Variants in UBE2D3 observed in about 807,000 individuals in gnomAD.
UBE2D3 encodes the protein ubiquitin conjugating enzyme E2 D3.
Under a neutral mutation model 22.8 loss-of-function variants are expected in UBE2D3, and 2 were observed. That is an observed-to-expected ratio of 0.09 (90% CI 0.04 to 0.28). The LOEUF (loss-of-function observed/expected upper bound fraction) is 0.28, where lower values mean the gene tolerates loss of function less well. Among genes scored for constraint, UBE2D3 ranks in the 10% least tolerant of loss-of-function variants. The probability of loss-of-function intolerance (pLI) is 1.00; values close to 1 mark genes in which losing one functional copy is unlikely to be tolerated. For synonymous variants in UBE2D3, 56 were observed against 60.4 expected (o/e 0.93, Z 0.34); for missense variants, 27 against 182.5 (o/e 0.15, Z 4.91).
In UBE2D3 at chr4:102,859,008, C is replaced by T. The variant is rs538463637; in HGVS notation, c.-129+9707G>A. Among the ~76,000 whole-genome samples the T allele has an allele frequency of 3.3e-5, 5 of 152,038 alleles. No homozygotes were observed. The South Asian group carries it at 1.0e-3, about 32-fold the overall frequency. On this transcript the variant is annotated intron_variant, in intron 1 of 7. Transcript: ENST00000338145. ...TTTACCAGGGAGTTTCATACTTTCACGTTTTCATGTTGCTAATTAGCATCC... is the reference window on the plus strand; with the variant it reads ...TTTACCAGGGAGTTTCATACTTTCATGTTTTCATGTTGCTAATTAGCATCC...
At chr4:102,865,852 T>C (rs1373855006) in intron 1 of UBE2D3, among the ~76,000 whole-genome samples, 1 of 152,194 alleles carries the variant, frequency 6.6e-6, no homozygotes, top group Admixed American at 6.5e-5. Flanking sequence ...GCTCAAGTGC[T>C]TGAAAGTAAA....
At chr4:102,798,098 G>T (rs528162824) in intron 7 of UBE2D3, among the ~76,000 whole-genome samples, 7 of 151,534 alleles carry the variant, frequency 4.6e-5, no homozygotes, top group Non-Finnish European at 1.0e-4. Flanking sequence ...GCACCACTGA[G>T]ACCTGTTGAG....
At chr4:102,839,949 C>G (rs1432308311) in intron 1 of UBE2D3, among the ~76,000 whole-genome samples, 1 of 152,026 alleles carries the variant, frequency 6.6e-6, no homozygotes, top group Admixed American at 6.6e-5. Flanking sequence ...AAAAATAACC[C>G]CATTAAAAGT....
Position 102,797,169 on chromosome 4 carries a change from C to A in UBE2D3, c.*246G>T. ...TGCTCCATTTTTTTTTTTAAAAATTCTGAGTCTTGGGCAACTGTTCTCTTG... is the reference window on the plus strand; with the variant it reads ...TGCTCCATTTTTTTTTTTAAAAATTATGAGTCTTGGGCAACTGTTCTCTTG... On this transcript the variant is annotated 3_prime_UTR_variant, in exon 8 of 8. Transcript: ENST00000453744. The A allele has an allele frequency of 2.9e-6, 1 of 342,584 alleles. No homozygotes were observed. The highest frequency in any genetic ancestry group is 5.3e-6 in the Non-Finnish European group (1 of 187,524). The allele number at this position is 342,584 out of a possible 1,614,324, so 21.2% of individuals were successfully genotyped here.
At chr4:102,810,466 T>C (rs887709932) in intron 2 of UBE2D3, 5 of 148,958 alleles carry the variant, frequency 3.4e-5, no homozygotes, top group Non-Finnish European at 5.9e-5. Context: ...AGTGGCGCAA[T>C]CTGGGGTCAC....
Position 102,794,915 on chromosome 4 carries a change from T to TC in UBE2D3, c.*2499_*2500insG, listed in dbSNP as rs1725118806. The stretch of plus-strand genomic sequence containing the variant: ...AAAAGATTTAGGAAATACAAAGACA[T>TC]AGTCAAAACTGATTCTAATACTCAG... On this transcript the variant is annotated 3_prime_UTR_variant, in exon 8 of 8. Transcript: ENST00000453744. 2 of 152,074 alleles carry TC rather than the reference T, an allele frequency of 1.3e-5. No individual in the cohort carries two copies. The highest frequency in any genetic ancestry group is 2.9e-5 in the Non-Finnish European group (2 of 67,954). The allele number at this position is 152,074 out of a possible 1,614,324, so 9.4% of individuals were successfully genotyped here.
intron 4 of UBE2D3, among the ~76,000 whole-genome samples, chr4:102,808,089 G>T (rs1021513778): frequency 6.6e-6 from 1 of 152,096 alleles, no homozygotes; most frequent in African/African-American, 2.4e-5. Flanking sequence ...ATCCAAAATG[G>T]GAAAATTCTA....
chr4:102,807,157 T>C (rs1464854322), intron 4 of UBE2D3, among the ~76,000 whole-genome samples: 3 of 152,202 alleles, frequency 2.0e-5, no homozygotes, highest in South Asian at 4.1e-4. Context: ...AAAAGTGACG[T>C]TGTTAACTGT....
At chr4:102,839,704 A>G (rs1342089102) in intron 1 of UBE2D3, among the ~76,000 whole-genome samples, 1 of 152,234 alleles carries the variant, frequency 6.6e-6, no homozygotes, top group Non-Finnish European at 1.5e-5. Context: ...TACTAGAAGA[A>G]AACAGGTAAA....
At chr4:102,808,660 C>T (rs1727451287) in intron 4 of UBE2D3, among the ~76,000 whole-genome samples, 1 of 152,162 alleles carries the variant, frequency 6.6e-6, no homozygotes, top group Non-Finnish European at 1.5e-5. Context: ...CACACTTCAG[C>T]ACTTGTTTTA....
At chr4:102,837,630 T>C (rs764936281) in intron 1 of UBE2D3, among the ~76,000 whole-genome samples, 2 of 151,538 alleles carry the variant, frequency 1.3e-5, no homozygotes, top group Non-Finnish European at 2.9e-5. Context: ...TGAGACAAGC[T>C]TAGGCAACAC....
intron 5 of UBE2D3, 135 bp from the exon 6 acceptor site, chr4:102,801,694 T>A: frequency 1.4e-6 from 1 of 701,598 alleles, no homozygotes; most frequent in Non-Finnish European, 2.3e-6. Context: ...AGAAACTGAT[T>A]TTTACAATCT....
chr4:102,826,938 G>A (rs970271129), intron 1 of UBE2D3: 1 of 1,008,084 alleles, frequency 9.9e-7, no homozygotes, highest in Non-Finnish European at 1.2e-6. Flanking sequence ...GGAGGAGCCG[G>A]GGCCTAGTCG....
chr4:102,799,097 A>G (rs1411310021), intron 7 of UBE2D3: 1 of 1,130,064 alleles, frequency 8.8e-7, no homozygotes, highest in African/African-American at 1.6e-5. Flanking sequence ...AATAGTACTA[A>G]CATTTTTGGA....
intron 4 of UBE2D3, 93 bp from the exon 5 acceptor site, chr4:102,802,731 C>T: frequency 2.2e-6 from 2 of 918,974 alleles, no homozygotes; most frequent in Non-Finnish European, 3.2e-6. Flanking sequence ...TAATAATGAA[C>T]CCAAATCACC....
At chr4:102,854,986 G>C (rs1200993157) in intron 1 of UBE2D3, among the ~76,000 whole-genome samples, 1 of 152,190 alleles carries the variant, frequency 6.6e-6, no homozygotes, top group Non-Finnish European at 1.5e-5. Context: ...AGGGTCTGTT[G>C]AAGTGAGTTG....
upstream of UBE2D3, among the ~76,000 whole-genome samples, chr4:102,828,903 GTTTT>G (rs529201629): frequency 4.2e-4 from 64 of 152,246 alleles, no homozygotes; most frequent in Admixed American, 8.5e-4. Flanking sequence ...CCAGCTTAAG[GTTTT>G]TTAACATTCC....
rs1445468298 is a variant in UBE2D3, at chr4:102,797,267, GTGAA to G, written c.*144_*147del. The G allele has an allele frequency of 4.9e-6, 3 of 608,428 alleles. No individual in the cohort carries two copies. Among genetic ancestry groups the G allele is most frequent in the Non-Finnish European group, 8.5e-6 (3 of 351,858 alleles). 37.7% of individuals were successfully genotyped at this position (608,428 alleles called of 1,614,324 possible). ...AACTTAAGTCTTCTCAGATGAGCAT[GTGAA>G]TGAATGGAGGGAGGTAAACAAAAAA... On this transcript the variant is annotated 3_prime_UTR_variant, in exon 8 of 8. Transcript: ENST00000453744.
rs575986950 is a variant in UBE2D3, at chr4:102,795,176, T to A, written c.*2239A>T. On this transcript the variant is annotated 3_prime_UTR_variant, in exon 8 of 8. Transcript: ENST00000453744. ...GATGTATAAAGCATCAAGTCAAAGA[T>A]ACAGAGAACTGGACACATCCACTAA... 6.6e-6 allele frequency: 1 copy of A among 152,092 alleles called. No homozygotes were observed. The highest frequency in any genetic ancestry group is 1.9e-4 in the East Asian group (1 of 5,186). The allele number at this position is 152,092 out of a possible 1,614,324, so 9.4% of individuals were successfully genotyped here.
Sources: allele counts gnomAD v4.1 joint callset (sites outside exome capture counted in the v4.1 genomes callset), GRCh38; gene constraint gnomAD v4.1.1; transcripts MANE v1.5; gene names NCBI Gene and HGNC (gene_info 2026-07-23, HGNC 2026-07-21).